The following KTN1 variants were observed in gnomAD, a reference collection of about 807,000 sequenced individuals.
The protein encoded by KTN1 is kinectin.
KTN1 carries 130 observed loss-of-function variants against 222.5 expected under a neutral mutation model. The observed-to-expected ratio is 0.58, with a 90% CI of 0.51 to 0.68. The LOEUF is 0.68. KTN1 is among the 30% of genes least tolerant of loss of function. The pLI, the probability that KTN1 is intolerant of heterozygous loss-of-function variation, is 0.00. For missense variants in KTN1, 1,508 were observed against 1,500.4 expected, an observed-to-expected ratio of 1.01 and a Z score of -0.08; for synonymous variants, 512 against 496.3, an observed-to-expected ratio of 1.03 and a Z score of -0.42.
intron 33 of KTN1, among the ~76,000 whole-genome samples, chr14:55,666,175 G>T (rs1391165725): frequency 6.6e-6 from 1 of 151,870 alleles, no homozygotes; most frequent in Non-Finnish European, 1.5e-5. Context: ...ACAGCTTTTT[G>T]TGTGTATGGA....
rs559140032 is a variant in KTN1 at position 55,642,040 on chromosome 14, T to G, written c.2172+280T>G. 2.6e-5 allele frequency among the ~76,000 whole-genome samples: 4 copies of G among 152,336 alleles called. No homozygotes were observed. In the South Asian group the frequency reaches 8.3e-4, roughly 32 times the overall value. On this transcript the variant is annotated intron_variant, in intron 18 of 43. Coordinates refer to ENST00000395314, the MANE Select transcript of KTN1 (RefSeq NM_001079521.2). ...ATTTTGATACATTTGACTTTCAGAATAAATGTCCTGCCTTAGACTTGGAGC... is the reference window on the plus strand; with the variant it reads ...ATTTTGATACATTTGACTTTCAGAAGAAATGTCCTGCCTTAGACTTGGAGC...
At chr14:55,641,659 A>T in intron 17 of KTN1, 33 bp from the exon 18 acceptor site, 1 of 1,340,374 alleles carries the variant, frequency 7.5e-7, no homozygotes, top group Admixed American at 1.7e-5. Context: ...CTTTTTTCTT[A>T]ATAAAACAGT....
At chr14:55,661,380 G>A (rs1156916385) in intron 31 of KTN1, 142 bp from the exon 32 acceptor site, 1 of 540,746 alleles carries the variant, frequency 1.8e-6, no homozygotes, top group African/African-American at 1.9e-5. Flanking sequence ...ATGGTCAACA[G>A]TAGGTAGACT....
chr14:55,644,560 C>CT (rs34100965), intron 18 of KTN1: 8,162 of 319,694 alleles, frequency 0.026, 63 homozygotes, highest in East Asian at 0.041. Flanking sequence ...CAGAATAAGA[C>CT]TTTTTTTTTT....
At chr14:55,626,186 C>G (rs370192330) in intron 5 of KTN1, among the ~76,000 whole-genome samples, 18 of 151,720 alleles carry the variant, frequency 1.2e-4, no homozygotes, top group African/African-American at 4.4e-4. Context: ...TGCCTACCTT[C>G]GTTGTCTTTT....
At chr14:55,656,460 T>G (rs1471647272) in intron 29 of KTN1, 1 of 198,336 alleles carries the variant, frequency 5.0e-6, no homozygotes, top group Non-Finnish European at 1.0e-5. Context: ...GATGGTTATA[T>G]CATTTATTTT....
intron 5 of KTN1, among the ~76,000 whole-genome samples, chr14:55,625,056 C>T (rs1457206880): frequency 4.6e-5 from 7 of 152,214 alleles, no homozygotes; most frequent in South Asian, 4.1e-4. Flanking sequence ...CCCTTGTATT[C>T]GAGTTATGAG....
At chr14:55,639,084 A>G (rs1190563152) in intron 12 of KTN1, 101 bp from the exon 13 acceptor site, 3 of 747,124 alleles carry the variant, frequency 4.0e-6, no homozygotes, top group South Asian at 1.7e-5. Context: ...AACAATTTAT[A>G]TACATTAACT....
At position 55,639,371 on chromosome 14, in the gene KTN1, T is replaced by C. The variant is rs2041518784; in HGVS notation, c.1823+149T>C. On this transcript the variant is annotated intron_variant, in intron 13 of 43. Coordinates refer to ENST00000395314, the MANE Select transcript of KTN1 (RefSeq NM_001079521.2). ...TTTGGAGCAACTTTTGCTTTTTTTT[T>C]TTTTTTTTCCTTTTTCCCATTAGTG... 8 of 514,004 alleles carry C rather than the reference T, an allele frequency of 1.6e-5. No individual in the cohort carries two copies. The South Asian group carries it at 3.1e-4, about 20-fold the overall frequency. The allele number at this position is 514,004 out of a possible 1,614,324, so 31.8% of individuals were successfully genotyped here.
At chr14:55,631,341 G>GAGATAGATAGATATATATATATATATAT (rs71448461) in intron 7 of KTN1, among the ~76,000 whole-genome samples, 14 of 114,714 alleles carry the variant, frequency 1.2e-4, no homozygotes, top group Non-Finnish European at 2.2e-4. Flanking sequence ...TGATAAGGTT[G>GAGATAGATAGATATATATATATATATAT]ATATATATAT....
chr14:55,680,787 T>G (rs2046300627), intron 43 of KTN1: 2 of 994,086 alleles, frequency 2.0e-6, no homozygotes, highest in Middle Eastern at 2.5e-4. Flanking sequence ...GCCCAGCTCA[T>G]TCTTCAACAT....
chr14:55,673,055 A>G lies in KTN1; in HGVS notation c.3687+43A>G, dbSNP rs764247227. On this transcript the variant is annotated intron_variant, in intron 39 of 43. Transcript: ENST00000395314. ...TTTTCAAACTTGCTTCTCAATTCAG[A>G]TTAAGTTTATAACAGTGATATTTCA... 77 of 1,548,466 alleles carry G rather than the reference A, an allele frequency of 5.0e-5. No homozygotes were observed. Among genetic ancestry groups the G allele is most frequent in the Non-Finnish European group, 6.2e-5 (70 of 1,121,470 alleles).
chr14:55,673,485 A>G (rs1048471686), intron 40 of KTN1: 4 of 336,232 alleles, frequency 1.2e-5, no homozygotes, highest in Non-Finnish European at 2.1e-5. Flanking sequence ...TTGGCTTCCA[A>G]CTCTTTTTCA....
intron 1 of KTN1, among the ~76,000 whole-genome samples, chr14:55,593,240 C>T (rs2034443198): frequency 1.3e-5 from 2 of 152,128 alleles, no homozygotes; most frequent in African/African-American, 4.8e-5. Context: ...CTTTGTCAGA[C>T]CATTTCATAA....
At chr14:55,593,254 A>T (rs1251815343) in intron 1 of KTN1, among the ~76,000 whole-genome samples, 1 of 152,142 alleles carries the variant, frequency 6.6e-6, no homozygotes, top group Non-Finnish European at 1.5e-5. Context: ...TTCATAAAAC[A>T]TCTGGTGTGA....
In KTN1 at chr14:55,658,549, G is replaced by T. The variant is rs762018806; in HGVS notation, c.2896G>T (p.Val966Leu). 1.9e-6 allele frequency: 3 copies of T among 1,561,236 alleles called. No homozygotes were observed. Among genetic ancestry groups the T allele is most frequent in the East Asian group, 4.5e-5 (2 of 44,426 alleles). Residue 966 changes from valine to leucine, a missense_variant, in exon 30 of 44, where the codon GTA (valine) becomes TTA (leucine). Transcript: ENST00000395314. ...TGTTTAATTTTTATTTAATTAGGATGTACAAGATGAAAACAAATTGTTTAA... is the reference window on the plus strand; with the variant it reads ...TGTTTAATTTTTATTTAATTAGGATTTACAAGATGAAAACAAATTGTTTAA... ...LSSKTQLLQD[V>L]QDENKLFKSQ...
Position 55,634,574 on chromosome 14 carries a change from G to A in KTN1, c.1377G>A (p.Val459=). Reference sequence around the variant, plus strand: ...TACGCCAGGATTATGCTAGGTTGGTGAATGAGCTGACTGAGAAAACAGGAA... The same window carrying A: ...TACGCCAGGATTATGCTAGGTTGGTAAATGAGCTGACTGAGAAAACAGGAA... ...NKLRQDYARL[V]NELTEKTGKL... The change falls in exon 9 of 44, where the codon GTG becomes GTA. Residue 459 remains valine, a synonymous_variant. Transcript: ENST00000395314. 6.2e-7 allele frequency: 1 copy of A among 1,613,912 alleles called. No homozygotes were observed. Among genetic ancestry groups the A allele is most frequent in the Non-Finnish European group, 8.5e-7 (1 of 1,179,892 alleles).
intron 1 of KTN1, among the ~76,000 whole-genome samples, chr14:55,596,169 A>AAAAAAAC (rs1555358323): frequency 1.3e-5 from 2 of 151,446 alleles, no homozygotes; most frequent in East Asian, 1.9e-4. Context: ...AAAAAAAAAA[A>AAAAAAAC]AAAAGTAAAA....
chr14:55,606,699 G>A (rs2036778818), intron 1 of KTN1, among the ~76,000 whole-genome samples: 1 of 152,024 alleles, frequency 6.6e-6, no homozygotes, highest in Admixed American at 6.5e-5. Context: ...TTATGTTTAT[G>A]TATTTAAGCT....
Sources: allele counts gnomAD v4.1 joint callset (sites outside exome capture counted in the v4.1 genomes callset), GRCh38; gene constraint gnomAD v4.1.1; transcripts MANE v1.5; gene names NCBI Gene and HGNC (gene_info 2026-07-23, HGNC 2026-07-21).